Variants in C2CD2 observed in about 807,000 individuals in gnomAD.
C2CD2 encodes C2 calcium dependent domain containing 2.
A neutral mutation model predicts 74.3 loss-of-function variants in C2CD2; 43 were observed. That is an observed-to-expected ratio of 0.58 (90% confidence interval 0.45 to 0.75). C2CD2 has a LOEUF of 0.75. C2CD2 is among the 30% of genes least tolerant of loss of function. C2CD2 has a pLI of 0.00. For synonymous variants in C2CD2, 422 were observed against 390.7 expected, an observed-to-expected ratio of 1.08 and a Z score of -0.94; for missense variants, 801 against 916.3, an observed-to-expected ratio of 0.87 and a Z score of 1.63.
Position 41,914,724 on chromosome 21 carries a change from G to C in C2CD2, c.721-3C>G, listed in dbSNP as rs1341324504. The C allele has an allele frequency of 6.2e-7, 1 of 1,609,856 alleles. No individual in the cohort carries two copies. The highest frequency in any genetic ancestry group is 1.3e-5 in the African/African-American group (1 of 74,612). On this transcript the variant is annotated splice_region_variant and splice_polypyrimidine_tract_variant and intron_variant, in intron 5 of 13. Transcript: ENST00000380486. ...GTAGATGCAGCACACTGTAAGTTCT[G>C]AAAAAATAAAGAGCACTTTATTTTT... is the stretch of plus-strand genomic sequence containing the variant.
At chr21:41,949,930 T>C (rs1217415880) in intron 1 of C2CD2, among the ~76,000 whole-genome samples, 1 of 151,274 alleles carries the variant, frequency 6.6e-6, no homozygotes, top group Non-Finnish European at 1.5e-5. Context: ...TAGGTGGGAG[T>C]TGAACAATGA....
At chr21:41,910,356 C>T (rs1394585805) in intron 7 of C2CD2, among the ~76,000 whole-genome samples, 2 of 152,134 alleles carry the variant, frequency 1.3e-5, no homozygotes, top group Non-Finnish European at 2.9e-5. Context: ...TCTTTGCACG[C>T]CGTGTGATTA....
intron 7 of C2CD2, among the ~76,000 whole-genome samples, chr21:41,911,664 A>C (rs1287986894): frequency 6.6e-6 from 1 of 150,770 alleles, no homozygotes; most frequent in African/African-American, 2.4e-5. Flanking sequence ...CTGGGATTAC[A>C]TGTGTGAGCT....
Position 41,953,464 on chromosome 21 carries a change from G to C in C2CD2, c.185C>G (p.Ala62Gly). 1 of 1,489,008 alleles carries C rather than the reference G, an allele frequency of 6.7e-7. No individual in the cohort carries two copies. Among genetic ancestry groups the C allele is most frequent in the Non-Finnish European group, 9.0e-7 (1 of 1,116,600 alleles). The allele number at this position is 1,489,008 out of a possible 1,614,324, so 92.2% of individuals were successfully genotyped here. The change falls in exon 1 of 14, where the codon GCG becomes GGG. Residue 62 changes from alanine to glycine, a missense_variant. By Grantham distance (60) the Ala-to-Gly change is moderately conservative. Coordinates refer to ENST00000380486, the MANE Select transcript of C2CD2 (RefSeq NM_015500.2). The part of the protein sequence containing the change: ...PGEGPRPGSD[A>G]LLSWILTLGS... Reference sequence around the variant, plus strand: ...CAGCGTCAGGATCCAGGAGAGCAGCGCGTCGGACCCCGGGCGCGGCCCCTC... The same window carrying C: ...CAGCGTCAGGATCCAGGAGAGCAGCCCGTCGGACCCCGGGCGCGGCCCCTC...
At chr21:41,894,550 T>C (rs1322815458) in intron 13 of C2CD2, 1 of 433,054 alleles carries the variant, frequency 2.3e-6, no homozygotes, top group Non-Finnish European at 4.6e-6. Flanking sequence ...CTGTGGCCCC[T>C]GGGGAGGAGA....
At chr21:41,897,089 A>C (rs1176541600) in intron 13 of C2CD2, among the ~76,000 whole-genome samples, 1 of 152,190 alleles carries the variant, frequency 6.6e-6, no homozygotes, top group Non-Finnish European at 1.5e-5. Context: ...CCAGTCCCCA[A>C]AGGGTGGACC....
intron 13 of C2CD2, among the ~76,000 whole-genome samples, chr21:41,896,352 A>C (rs966141591): frequency 1.3e-5 from 2 of 152,130 alleles, no homozygotes; most frequent in African/African-American, 4.8e-5. Flanking sequence ...CCATCTACAG[A>C]CACCACACGC....
At chr21:41,951,107 C>A (rs1008640413) in intron 1 of C2CD2, among the ~76,000 whole-genome samples, 1 of 152,126 alleles carries the variant, frequency 6.6e-6, no homozygotes, top group Non-Finnish European at 1.5e-5. Context: ...CCATCACTGT[C>A]ACAACAGCGA....
rs776026516 is a variant in C2CD2, at chr21:41,907,056, A to T, written c.1254T>A (p.Thr418=). 6.2e-7 allele frequency: 1 copy of T among 1,614,022 alleles called. No homozygotes were observed. The highest frequency in any genetic ancestry group is 1.1e-5 in the South Asian group (1 of 91,076). The change falls in exon 10 of 14, where the codon ACT becomes ACA. Residue 418 remains threonine (T), a synonymous_variant. Coordinates refer to ENST00000380486, the MANE Select transcript of C2CD2 (RefSeq NM_015500.2). The stretch of plus-strand genomic sequence containing the variant: ...GCTTGGTCTTCACAGCAGTGACAGT[A>T]GTGACCACAGTCCCACAGGGCATCA... ...RTVMPCGTVV[T]TVTAVKTKPR...
chr21:41,922,803 A>C (rs113360162), intron 2 of C2CD2, among the ~76,000 whole-genome samples: 3 of 152,198 alleles, frequency 2.0e-5, no homozygotes, highest in African/African-American at 7.2e-5. Context: ...AATAATCTGG[A>C]CTTTATATGT....
chr21:41,912,502 T>TATTTATTTA (rs11387061), intron 6 of C2CD2, 62 bp from the exon 7 acceptor site: 4 of 830,554 alleles, frequency 4.8e-6, no homozygotes, highest in South Asian at 2.9e-5. Flanking sequence ...TATTTTTTTT[T>TATTTATTTA]TTTTTTGAGA....
chr21:41,941,008 TAAC>T (rs943787327), intron 2 of C2CD2, among the ~76,000 whole-genome samples: 4 of 151,732 alleles, frequency 2.6e-5, no homozygotes, highest in African/African-American at 9.7e-5. Context: ...ATAATAATAA[TAAC>T]AACAGCAACA....
chr21:41,948,870 C>CTTTTTTCTTTTTTTTTT (rs2065424628), intron 1 of C2CD2, among the ~76,000 whole-genome samples: 1 of 80,686 alleles, frequency 1.2e-5, no homozygotes, highest in Admixed American at 2.0e-4. Context: ...CACACAGCAT[C>CTTTTTTCTTTTTTTTTT]TTTTTTTTTT....
Position 41,940,000 on chromosome 21 carries a change from C to T in C2CD2, c.378+2147G>A, listed in dbSNP as rs1240867405. ...ATCCGAACATCCCAAATCTGAAACG[C>T]TCCAAAATCTGAAACTTTTTGAGGG... On this transcript the variant is annotated intron_variant, in intron 2 of 13. Transcript: ENST00000380486. The surrounding 1 kb of genome is among the most constrained non-coding windows in gnomAD (Gnocchi z 5.5). Among the ~76,000 whole-genome samples, 2 of 152,184 alleles carry T rather than the reference C, an allele frequency of 1.3e-5. No homozygotes were observed. Among genetic ancestry groups the T allele is most frequent in the Non-Finnish European group, 2.9e-5 (2 of 68,040 alleles).
At position 41,901,639 on chromosome 21, in the gene C2CD2, T is replaced by G. The variant is rs2064898805; in HGVS notation, c.1543A>C (p.Ile515Leu). 3 of 1,614,182 alleles carry G rather than the reference T, an allele frequency of 1.9e-6. No homozygotes were observed. Among genetic ancestry groups the G allele is most frequent in the Non-Finnish European group, 2.5e-6 (3 of 1,180,016 alleles). Residue 515 changes from isoleucine (I) to leucine (L), a missense_variant, in exon 12 of 14, where the codon ATA becomes CTA. Coordinates refer to ENST00000380486, the MANE Select transcript of C2CD2 (RefSeq NM_015500.2). ...GATGGTACCTTGGAGATCCCTGATA[T>G]GATAATAGTGCTTTTCTTCCGTGGC... ...KSPRKKSTII[I>L]SGISKTSLSQ...
chr21:41,930,941 G>A (rs1216087066), intron 2 of C2CD2, among the ~76,000 whole-genome samples: 3 of 149,988 alleles, frequency 2.0e-5, no homozygotes, highest in Non-Finnish European at 4.5e-5. Context: ...TGCGGGGGAA[G>A]GGCTGGCTCT....
chr21:41,893,097 C>T (rs2064775893), intron 13 of C2CD2, among the ~76,000 whole-genome samples: 1 of 152,110 alleles, frequency 6.6e-6, no homozygotes, highest in Non-Finnish European at 1.5e-5. Flanking sequence ...CCCTTGAGCC[C>T]AGGAATTGGA....
chr21:41,947,389 T>G (rs972892084), intron 1 of C2CD2, among the ~76,000 whole-genome samples: 6 of 151,970 alleles, frequency 3.9e-5, no homozygotes. Context: ...ACTCTTGACC[T>G]CAGGTGATCC....
intron 2 of C2CD2, among the ~76,000 whole-genome samples, chr21:41,938,503 ACCTGCAT>A (rs1218148598): frequency 3.9e-5 from 6 of 152,192 alleles, no homozygotes; most frequent in Admixed American, 2.0e-4. Flanking sequence ...CACCTCCAGA[ACCTGCAT>A]CTTCCCAAAC....
Sources: allele counts gnomAD v4.1 joint callset (sites outside exome capture counted in the v4.1 genomes callset), GRCh38; gene constraint gnomAD v4.1.1; non-coding constraint Gnocchi (gnomAD v3.1); transcripts MANE v1.5; gene names NCBI Gene and HGNC (gene_info 2026-07-23, HGNC 2026-07-21).